The following EIF4E variants were observed in gnomAD, a reference collection of about 807,000 sequenced individuals.
The protein encoded by EIF4E is eukaryotic translation initiation factor 4E, also known as eIF-4F 25 kDa subunit.
For missense variants in EIF4E, 113 were observed against 265.6 expected (o/e 0.43, Z 3.99); for synonymous variants, 71 against 88.5 (o/e 0.80, Z 1.11).
intron 1 of EIF4E, among the ~76,000 whole-genome samples, chr4:98,904,631 C>T (rs1447229654): frequency 6.6e-6 from 1 of 152,022 alleles, no homozygotes; most frequent in African/African-American, 2.4e-5. Flanking sequence ...ATTAGCTGGG[C>T]GTGGTAGCAC....
intron 2 of EIF4E, among the ~76,000 whole-genome samples, chr4:98,895,835 G>C (rs1026717995): frequency 3.3e-5 from 5 of 152,126 alleles, no homozygotes; most frequent in Non-Finnish European, 7.3e-5. Flanking sequence ...AGGATCACTT[G>C]AGCCCAGGAG....
chr4:98,896,110 C>T (rs192429242), intron 2 of EIF4E, among the ~76,000 whole-genome samples: 180 of 152,106 alleles, frequency 1.2e-3, no homozygotes, highest in Admixed American at 2.6e-3. Context: ...GCAGGAGAAT[C>T]GCTTGAACCT....
At chr4:98,893,829 C>T (rs1014372973) in intron 2 of EIF4E, among the ~76,000 whole-genome samples, 4 of 152,202 alleles carry the variant, frequency 2.6e-5, no homozygotes, top group South Asian at 4.1e-4. Flanking sequence ...TCAATCCTTT[C>T]GGAAGGTTTT....
chr4:98,902,297 C>A (rs1332419186), intron 1 of EIF4E, among the ~76,000 whole-genome samples: 1 of 152,214 alleles, frequency 6.6e-6, no homozygotes, highest in African/African-American at 2.4e-5. Flanking sequence ...GTCTTGAACT[C>A]CTGACCTTGT....
At chr4:98,907,386 C>A (rs759510170) in intron 1 of EIF4E, among the ~76,000 whole-genome samples, 11 of 152,098 alleles carry the variant, frequency 7.2e-5, no homozygotes, top group Non-Finnish European at 1.5e-4. Context: ...TGAGCTGCAA[C>A]TATCTATTAC....
chr4:98,915,961 C>A (rs773285800), intron 1 of EIF4E, among the ~76,000 whole-genome samples: 6 of 151,362 alleles, frequency 4.0e-5, no homozygotes, highest in African/African-American at 1.5e-4. Context: ...GAGGCCGAGG[C>A]GGGCGGATCA....
chr4:98,913,581 C>T (rs1293263936), intron 1 of EIF4E, among the ~76,000 whole-genome samples: 1 of 152,196 alleles, frequency 6.6e-6, no homozygotes, highest in Non-Finnish European at 1.5e-5. Context: ...GCTAGGATTA[C>T]AGGCATGAGC....
rs141799239 is a variant in EIF4E, at chr4:98,920,608, A to T, written c.18+8487T>A. ...CTGTGCCTGGCCTGCATTTTAAAAC[A>T]CTCTAAGATAGGGGCTATAGGCTTT... On this transcript the variant is annotated intron_variant, in intron 1 of 6. Coordinates refer to ENST00000450253, the MANE Select transcript of EIF4E (RefSeq NM_001968.5). 4.8e-3 allele frequency among the ~76,000 whole-genome samples: 734 copies of T among 151,958 alleles called. 1 individual carries two copies. Among genetic ancestry groups the T allele is most frequent in the Non-Finnish European group, 8.1e-3 (547 of 67,950 alleles).
chr4:98,889,040 TC>T (rs1175047631), intron 3 of EIF4E, among the ~76,000 whole-genome samples: 1 of 151,788 alleles, frequency 6.6e-6, no homozygotes, highest in Non-Finnish European at 1.5e-5. Flanking sequence ...GCGCCTGTAA[TC>T]CCAGCTACTA....
intron 1 of EIF4E, among the ~76,000 whole-genome samples, chr4:98,910,883 C>G (rs565878938): frequency 6.6e-6 from 1 of 151,608 alleles, no homozygotes; most frequent in South Asian, 2.1e-4. Flanking sequence ...GCATGCACCA[C>G]CACACCTGGC....
intron 1 of EIF4E, among the ~76,000 whole-genome samples, chr4:98,920,673 CAAAGAAAAAAAACAAAAAAT>C (rs1354526221): frequency 6.7e-6 from 1 of 150,116 alleles, no homozygotes; most frequent in African/African-American, 2.5e-5. Context: ...GTAACTAAGT[CAAAGAAAAAAAACAAAAAAT>C]AAAGAAAAGC....
intron 3 of EIF4E, among the ~76,000 whole-genome samples, chr4:98,889,355 A>G (rs1169721659): frequency 6.6e-6 from 1 of 152,216 alleles, no homozygotes; most frequent in East Asian, 1.9e-4. Context: ...CTAAGTGACT[A>G]TAAAATTAGC....
Position 98,887,186 on chromosome 4 carries a change from T to C in EIF4E, c.292A>G (p.Ile98Val). ...GCDYSLFKDG[I>V]EPMWEDEKNK... ...TTCTCATCTTCCCACATAGGCTCAA[T>C]ACCATCCTACAGGGTTAGAAGACAA... is the stretch of plus-strand genomic sequence containing the variant. Residue 98 changes from isoleucine (I) to valine (V), a missense_variant, in exon 5 of 7, where the codon ATT (isoleucine) becomes GTT (valine). By Grantham distance (29) the Ile-to-Val change is conservative. Transcript: ENST00000450253. This position sits in a 1 kb window ranked among gnomAD's most constrained non-coding sequence, Gnocchi z 4.0. The C allele has an allele frequency of 6.2e-7, 1 of 1,613,862 alleles. No homozygotes were observed. The highest frequency in any genetic ancestry group is 8.5e-7 in the Non-Finnish European group (1 of 1,179,752).
intron 6 of EIF4E, among the ~76,000 whole-genome samples, chr4:98,883,536 C>G (rs1723790875): frequency 6.6e-6 from 1 of 150,984 alleles, no homozygotes. Flanking sequence ...GTAGCTGGAA[C>G]TACAGGCGCC....
At chr4:98,886,393 A>C (rs532204707) in intron 5 of EIF4E, 19 of 410,218 alleles carry the variant, frequency 4.6e-5, no homozygotes, top group South Asian at 9.1e-5. Flanking sequence ...AGTACACAAC[A>C]ATTTTATTAT....
At chr4:98,891,485 C>T in intron 2 of EIF4E, 153 bp from the exon 3 acceptor site, 3 of 673,884 alleles carry the variant, frequency 4.5e-6, no homozygotes, top group Non-Finnish European at 7.8e-6. Flanking sequence ...TACTAAAAAG[C>T]CCTGATGAAG....
chr4:98,911,175 A>T (rs1018662630), intron 1 of EIF4E, among the ~76,000 whole-genome samples: 4 of 151,602 alleles, frequency 2.6e-5, no homozygotes, highest in Admixed American at 2.6e-4. Context: ...CAGCCTCCCA[A>T]GTAGCTGGGA....
intron 1 of EIF4E, among the ~76,000 whole-genome samples, chr4:98,927,434 T>C (rs538871567): frequency 4.0e-5 from 6 of 151,830 alleles, no homozygotes; most frequent in Non-Finnish European, 8.8e-5. Flanking sequence ...GGCGGGAGGA[T>C]CACTTGAGGT....
chr4:98,886,626 G>C (rs905617213), intron 5 of EIF4E: 2 of 352,764 alleles, frequency 5.7e-6, no homozygotes, highest in Non-Finnish European at 1.1e-5. Flanking sequence ...GAAGTGGGAG[G>C]ATCACTTGAA....
Sources: allele counts gnomAD v4.1 joint callset (sites outside exome capture counted in the v4.1 genomes callset), GRCh38; gene constraint gnomAD v4.1.1; non-coding constraint Gnocchi (gnomAD v3.1); transcripts MANE v1.5; gene names NCBI Gene and HGNC (gene_info 2026-07-23, HGNC 2026-07-21).